CRTAC1: variants seen among roughly 807,000 people sequenced by gnomAD.
CRTAC1 encodes cartilage acidic protein 1.
A neutral mutation model predicts 67.8 loss-of-function variants in CRTAC1; 37 were observed. The ratio of observed to expected loss-of-function variants is 0.55; its 90% confidence interval spans 0.42 to 0.72. The LOEUF is 0.72. Among genes scored for constraint, CRTAC1 ranks in the 30% least tolerant of loss-of-function variants. CRTAC1 has a pLI of 0.00. For missense variants in CRTAC1, 780 were observed against 931.6 expected (o/e 0.84, Z 2.12); for synonymous variants, 348 against 371.0 (o/e 0.94, Z 0.71).
chr10:97,991,256 A>C (rs949919307), intron 2 of CRTAC1, among the ~76,000 whole-genome samples: 3 of 151,648 alleles, frequency 2.0e-5, no homozygotes, highest in African/African-American at 7.3e-5. Flanking sequence ...ATAATTAAAA[A>C]ACAAAAATTA....
At chr10:97,979,968 T>C (rs936498245) in intron 2 of CRTAC1, among the ~76,000 whole-genome samples, 1 of 152,160 alleles carries the variant, frequency 6.6e-6, no homozygotes, top group African/African-American at 2.4e-5. Context: ...TCCAAGGGCC[T>C]GGGGGCTGTC....
intron 14 of CRTAC1, chr10:97,878,685 T>A (rs957048937): frequency 7.7e-7 from 1 of 1,303,996 alleles, no homozygotes; most frequent in Admixed American, 2.3e-5. Context: ...GTAGCAAGGT[T>A]CTTTCTAGAA....
chr10:97,885,750 C>T (rs1446572810), intron 11 of CRTAC1, among the ~76,000 whole-genome samples: 1 of 152,160 alleles, frequency 6.6e-6, no homozygotes, highest in Non-Finnish European at 1.5e-5. Context: ...GAACACAGCC[C>T]ACTCTATCAC....
chr10:97,902,267 G>T (rs566830025), intron 7 of CRTAC1, among the ~76,000 whole-genome samples: 1 of 152,252 alleles, frequency 6.6e-6, no homozygotes, highest in Admixed American at 6.5e-5. Flanking sequence ...GCCTGGCACA[G>T]AGTGGGCATG....
intron 2 of CRTAC1, among the ~76,000 whole-genome samples, chr10:97,962,040 A>G (rs2051534476): frequency 6.6e-6 from 1 of 152,210 alleles, no homozygotes; most frequent in African/African-American, 2.4e-5. Flanking sequence ...TTCTTCAGAA[A>G]GCCGTGGAAC....
chr10:97,928,407 T>C (rs1437618143), intron 3 of CRTAC1, among the ~76,000 whole-genome samples: 1 of 152,150 alleles, frequency 6.6e-6, no homozygotes. Flanking sequence ...GTAAAGGAGA[T>C]ACCAAGAGAC....
intron 14 of CRTAC1, chr10:97,869,620 G>C (rs2050069255): frequency 6.6e-6 from 1 of 152,300 alleles, no homozygotes; most frequent in African/African-American, 2.4e-5. Flanking sequence ...AGAAGCTCGA[G>C]GTGCCACTGA....
intron 2 of CRTAC1, among the ~76,000 whole-genome samples, chr10:97,962,809 G>A (rs1435516329): frequency 2.0e-5 from 3 of 149,184 alleles, no homozygotes; most frequent in Non-Finnish European, 3.0e-5. Context: ...TACACACCCC[G>A]GGCACTCTTT....
At chr10:97,883,155 G>A (rs552948113) in intron 12 of CRTAC1, among the ~76,000 whole-genome samples, 1 of 152,374 alleles carries the variant, frequency 6.6e-6, no homozygotes, top group African/African-American at 2.4e-5. Context: ...AGGGCAAAGT[G>A]TAATGAGGGC....
chr10:97,972,740 A>G (rs1465743141), intron 2 of CRTAC1, among the ~76,000 whole-genome samples: 2 of 152,260 alleles, frequency 1.3e-5, no homozygotes, highest in African/African-American at 4.8e-5. Context: ...CAGCCATAAA[A>G]ATTGTTTTTG....
chr10:97,923,312 A>C lies in CRTAC1; in HGVS notation c.510T>G (p.Gly170=). The change falls in exon 4 of 15, where the codon GGT becomes GGG. Residue 170 remains glycine (G), a synonymous_variant. Transcript: ENST00000370597. The part of the protein sequence containing the change: ...ILSDEVNVAR[G]VASLFAGRSV... ...AGCGTCCGGCAAAGAGGCTGGCCAC[A>C]CCACGGGCCACGTTGACCTCATCGC... 6.2e-7 allele frequency: 1 copy of C among 1,614,082 alleles called. No individual in the cohort carries two copies. The highest frequency in any genetic ancestry group is 8.5e-7 in the Non-Finnish European group (1 of 1,180,024).
Position 97,895,502 on chromosome 10 carries a change from G to A in CRTAC1, c.1318-89C>T, listed in dbSNP as rs958258879. The A allele has an allele frequency of 2.6e-6, 3 of 1,174,460 alleles. No individual in the cohort carries two copies. The allele number at this position is 1,174,460 out of a possible 1,614,324, so 72.8% of individuals were successfully genotyped here. A position where few individuals can be genotyped will look rare whatever the true frequency, so the allele number is the denominator to read the frequency against. On this transcript the variant is annotated intron_variant, in intron 10 of 14. Transcript: ENST00000370597. The surrounding 1 kb of genome is among the most constrained non-coding windows in gnomAD (Gnocchi z 4.2). ...AGCCAGGGAGGACGGGAGGGGGAGAGGGAGAAGAAGGAGGAAGAGAAGAAA... is the reference window on the plus strand; with the variant it reads ...AGCCAGGGAGGACGGGAGGGGGAGAAGGAGAAGAAGGAGGAAGAGAAGAAA...
chr10:97,977,867 C>T (rs1191775300), intron 2 of CRTAC1, among the ~76,000 whole-genome samples: 2 of 152,132 alleles, frequency 1.3e-5, no homozygotes, highest in African/African-American at 4.8e-5. Flanking sequence ...ACGGCCTGAG[C>T]TGAGGCTGTG....
At chr10:97,888,400 C>T (rs571932809) in intron 11 of CRTAC1, among the ~76,000 whole-genome samples, 13 of 152,074 alleles carry the variant, frequency 8.5e-5, no homozygotes, top group Middle Eastern at 6.8e-3. Context: ...GGTACAGCAG[C>T]GTGAAAGGGT....
chr10:97,938,928 C>T (rs1296887556), intron 2 of CRTAC1, among the ~76,000 whole-genome samples: 5 of 152,202 alleles, frequency 3.3e-5, no homozygotes, highest in African/African-American at 4.8e-5. Flanking sequence ...TTATGCATCA[C>T]GTTCCACAGT....
intron 2 of CRTAC1, among the ~76,000 whole-genome samples, chr10:97,954,367 A>T (rs190860260): frequency 6.6e-6 from 1 of 152,298 alleles, no homozygotes; most frequent in Admixed American, 6.5e-5. Context: ...ATAAAGGCAG[A>T]CCTGTTGTCA....
chr10:97,929,023 G>A (rs1458519325), intron 3 of CRTAC1, among the ~76,000 whole-genome samples: 1 of 152,022 alleles, frequency 6.6e-6, no homozygotes, highest in African/African-American at 2.4e-5. Flanking sequence ...AGGAGCTCAG[G>A]CTTGATCGGG....
chr10:97,987,431 A>C (rs1170541869), intron 2 of CRTAC1, among the ~76,000 whole-genome samples: 1 of 152,164 alleles, frequency 6.6e-6, no homozygotes, highest in Non-Finnish European at 1.5e-5. Context: ...GCATCACTGG[A>C]TCTCAATAGG....
chr10:97,984,882 G>T (rs1247521944), intron 2 of CRTAC1, among the ~76,000 whole-genome samples: 1 of 152,242 alleles, frequency 6.6e-6, no homozygotes, highest in African/African-American at 2.4e-5. Context: ...GGAAAAGGCA[G>T]CTCAAGAAGG....
Sources: gnomAD v4.1 joint callset for allele counts (sites outside exome capture counted in the v4.1 genomes callset) on GRCh38, gnomAD v4.1.1 for gene constraint, Gnocchi (gnomAD v3.1) non-coding constraint, MANE v1.5 for transcripts, NCBI Gene and HGNC (gene_info 2026-07-23, HGNC 2026-07-21) for gene names.